Variants in PRR11 observed in about 807,000 individuals in gnomAD.
The protein encoded by PRR11 is proline rich 11, also known as proline-rich protein 11.
In PRR11, 30 loss-of-function variants were observed where a neutral mutation model predicts 45.6. The ratio of observed to expected loss-of-function variants is 0.66; its 90% CI spans 0.49 to 0.89. The LOEUF is 0.89. PRR11 is among the 40% of genes least tolerant of loss of function. The probability of loss-of-function intolerance (pLI) is 0.00; values close to 1 mark genes in which losing one functional copy is unlikely to be tolerated. For missense variants in PRR11, 373 were observed against 424.8 expected (o/e 0.88, Z 1.07); for synonymous variants, 128 against 153.5 (o/e 0.83, Z 1.23).
At chr17:59,160,349 C>T (rs1158544532) in intron 1 of PRR11, among the ~76,000 whole-genome samples, 1 of 152,190 alleles carries the variant, frequency 6.6e-6, no homozygotes, top group Non-Finnish European at 1.5e-5. Context: ...TTAACCCCTA[C>T]AGTATACTTC....
intron 1 of PRR11, among the ~76,000 whole-genome samples, chr17:59,166,305 C>T (rs1375567295): frequency 6.6e-6 from 1 of 152,226 alleles, no homozygotes; most frequent in East Asian, 1.9e-4. Context: ...GCCTTGAGAT[C>T]ATTTTCAGTT....
At chr17:59,165,003 C>A (rs1568317671) in intron 1 of PRR11, among the ~76,000 whole-genome samples, 1 of 151,780 alleles carries the variant, frequency 6.6e-6, no homozygotes, top group Admixed American at 6.6e-5. Flanking sequence ...TTTTATCTTG[C>A]GTTTTTGTTT....
At chr17:59,173,925 G>T (rs2046727236) in intron 2 of PRR11, among the ~76,000 whole-genome samples, 1 of 152,202 alleles carries the variant, frequency 6.6e-6, no homozygotes, top group Admixed American at 6.5e-5. Flanking sequence ...TTCTGGAAGT[G>T]AGAGAGAGGA....
chr17:59,185,887 C>A (rs981062285), intron 4 of PRR11, among the ~76,000 whole-genome samples: 1 of 152,080 alleles, frequency 6.6e-6, no homozygotes, highest in Non-Finnish European at 1.5e-5. Context: ...TAAATCCTGA[C>A]TAAAGTTTGG....
At chr17:59,181,451 A>T in intron 2 of PRR11, 1 of 1,030,242 alleles carries the variant, frequency 9.7e-7, no homozygotes, top group Non-Finnish European at 1.4e-6. Flanking sequence ...GTGGTTATTG[A>T]AAGTTTTCCT....
At chr17:59,174,742 A>T (rs1156499366) in intron 2 of PRR11, among the ~76,000 whole-genome samples, 1 of 152,226 alleles carries the variant, frequency 6.6e-6, no homozygotes, top group African/African-American at 2.4e-5. Flanking sequence ...ACCTTCCCTC[A>T]GGCTGATGAC....
In PRR11 at chr17:59,200,353, G is replaced by C. The variant is rs373887447; in HGVS notation, c.1015-1210G>C. 5.3e-5 allele frequency among the ~76,000 whole-genome samples: 8 copies of C among 152,224 alleles called. No homozygotes were observed. In the East Asian group the frequency reaches 1.2e-3, roughly 22 times the overall value. On this transcript the variant is annotated intron_variant, in intron 9 of 9. Transcript: ENST00000262293. ...CTCATACCTGTAATCCCAGTGCTTTGGGAGGCTAAGGCCGGAAAGTCGCTT... is the reference window on the plus strand; with the variant it reads ...CTCATACCTGTAATCCCAGTGCTTTCGGAGGCTAAGGCCGGAAAGTCGCTT...
At position 59,193,316 on chromosome 17, in the gene PRR11, A is replaced by G. The variant is rs181173100; in HGVS notation, c.403-176A>G. On this transcript the variant is annotated intron_variant, in intron 4 of 9. Transcript: ENST00000262293. Reference sequence around the variant, plus strand: ...ATAGTGCCTGGCATATAGCACATACAAAATAAACTAATGAATGAAATGAAG... The same window carrying G: ...ATAGTGCCTGGCATATAGCACATACGAAATAAACTAATGAATGAAATGAAG... Among the ~76,000 whole-genome samples, 14 of 152,338 alleles carry G rather than the reference A, an allele frequency of 9.2e-5. No individual in the cohort carries two copies. The East Asian group carries it at 2.5e-3, about 27-fold the overall frequency.
chr17:59,181,637 C>T (rs1316345657), intron 2 of PRR11: 6 of 1,495,100 alleles, frequency 4.0e-6, no homozygotes, highest in Non-Finnish European at 5.5e-6. Flanking sequence ...GGCTCAGGGG[C>T]GAGCTCCTTC....
rs964860778 is a variant in PRR11 at position 59,205,840 on chromosome 17, G to T, written c.*4209G>T. ...GTGGGTGTATCACTTGAGGTCAGGA[G>T]TTTGAGACCAGCCTGGCCAACATGG... On this transcript the variant is annotated 3_prime_UTR_variant, in exon 10 of 10. Transcript: ENST00000262293. Among the ~76,000 whole-genome samples, 8 of 151,866 alleles carry T rather than the reference G, an allele frequency of 5.3e-5. No individual in the cohort carries two copies. The highest frequency in any genetic ancestry group is 1.9e-4 in the African/African-American group (8 of 41,408).
chr17:59,201,516 C>G, intron 9 of PRR11, 47 bp from the exon 10 acceptor site: 1 of 1,570,048 alleles, frequency 6.4e-7, no homozygotes, highest in Non-Finnish European at 8.7e-7. Context: ...TTGTACTTAT[C>G]ACAGGAATAT....
chr17:59,162,125 T>C (rs1358508265), intron 1 of PRR11, among the ~76,000 whole-genome samples: 1 of 151,996 alleles, frequency 6.6e-6, no homozygotes, highest in Non-Finnish European at 1.5e-5. Flanking sequence ...CCCTGACAGA[T>C]TTTGCATGGT....
rs151023637 is a variant in PRR11, at chr17:59,198,053, G to T, written c.1014+264G>T. On this transcript the variant is annotated intron_variant, in intron 9 of 9. Transcript: ENST00000262293. ...CACTTGAGCCCAGGAGGTCAAGGCT[G>T]CAGTGAGCTGTGATTGCACCACTGC... Among the ~76,000 whole-genome samples the T allele has an allele frequency of 4.5e-3, 688 of 152,284 alleles. 5 individuals are homozygous for T. Among genetic ancestry groups the T allele is most frequent in the African/African-American group, 0.016 (653 of 41,548 alleles).
At position 59,180,651 on chromosome 17, in the gene PRR11, G is replaced by A. The variant is rs201657613; in HGVS notation, c.129-4403G>A. On this transcript the variant is annotated intron_variant, in intron 2 of 9. Coordinates refer to ENST00000262293, the MANE Select transcript of PRR11 (RefSeq NM_018304.4). ...CTCCCAAGTAGCTGGGAATACAGGC[G>A]TGCGCCACCACACCCGGCTAAGTTT... 5.2e-4 allele frequency among the ~76,000 whole-genome samples: 79 copies of A among 150,676 alleles called. 1 individual carries two copies. The highest frequency in any genetic ancestry group is 1.7e-3 in the African/African-American group (71 of 40,664).
rs1043556462 is a variant in PRR11 at position 59,194,237 on chromosome 17, G to T, written c.645+503G>T. Reference sequence around the variant, plus strand: ...ACTATGGATAATTTGGTTTAATGTAGCTGAATTAAATCCAGAGTCTTCCCA... The same window carrying T: ...ACTATGGATAATTTGGTTTAATGTATCTGAATTAAATCCAGAGTCTTCCCA... On this transcript the variant is annotated intron_variant, in intron 5 of 9. Transcript: ENST00000262293. Among the ~76,000 whole-genome samples the T allele has an allele frequency of 4.1e-5, 6 of 147,164 alleles. No individual in the cohort carries two copies. The Admixed American group carries it at 4.1e-4, about 10-fold the overall frequency.
At chr17:59,184,515 G>T (rs534901727) in intron 2 of PRR11, among the ~76,000 whole-genome samples, 6 of 152,174 alleles carry the variant, frequency 3.9e-5, no homozygotes, top group Admixed American at 1.3e-4. Flanking sequence ...TTCCTAATGG[G>T]CTGTGGCTCT....
Position 59,193,522 on chromosome 17 carries a change from T to G in PRR11, c.433T>G (p.Cys145Gly). The G allele has an allele frequency of 6.2e-7, 1 of 1,614,196 alleles. No individual in the cohort carries two copies. The highest frequency in any genetic ancestry group is 8.5e-7 in the Non-Finnish European group (1 of 1,180,026). Residue 145 changes from cysteine (C) to glycine (G), a missense_variant, in exon 5 of 10, where the codon TGT (cysteine) becomes GGT (glycine). By Grantham distance (159) the Cys-to-Gly change is radical. Coordinates refer to ENST00000262293, the MANE Select transcript of PRR11 (RefSeq NM_018304.4). The stretch of plus-strand genomic sequence containing the variant: ...CTCAGAAAGTTCTTCCTGTCCAAGC[T>G]GTGGTCAAACATGTCACATGAGTGG... The part of the protein sequence containing the change: ...TISESSSCPS[C>G]GQTCHMSGKL...
intron 2 of PRR11, among the ~76,000 whole-genome samples, chr17:59,173,864 G>A (rs922819217): frequency 1.3e-5 from 2 of 152,146 alleles, no homozygotes; most frequent in African/African-American, 4.8e-5. Context: ...TCTGTCATTA[G>A]CAATGGAATA....
At chr17:59,158,043 G>A (rs2147829846) in intron 1 of PRR11, among the ~76,000 whole-genome samples, 1 of 152,254 alleles carries the variant, frequency 6.6e-6, no homozygotes, top group Non-Finnish European at 1.5e-5. Context: ...TGTGAGTAAA[G>A]GAACCTTCAA....
Sources: gnomAD v4.1 joint callset for allele counts (sites outside exome capture counted in the v4.1 genomes callset) on GRCh38, gnomAD v4.1.1 for gene constraint, MANE v1.5 for transcripts, NCBI Gene and HGNC (gene_info 2026-07-23, HGNC 2026-07-21) for gene names.